DIAPH2: variants seen among roughly 807,000 people sequenced by gnomAD.
The protein encoded by DIAPH2 is protein diaphanous homolog 2.
DIAPH2 carries 35 observed loss-of-function variants against 92.7 expected under a neutral mutation model. That is an observed-to-expected ratio of 0.38 (90% CI 0.29 to 0.50). DIAPH2 has a LOEUF of 0.50. Ranked by LOEUF, DIAPH2 falls within the 20% of genes least tolerant of loss-of-function variation. The probability of loss-of-function intolerance (pLI) is 0.94; values close to 1 mark genes in which losing one functional copy is unlikely to be tolerated. For synonymous variants in DIAPH2, 301 were observed against 280.4 expected, an observed-to-expected ratio of 1.07 and a Z score of -0.73; for missense variants, 701 against 819.5, an observed-to-expected ratio of 0.86 and a Z score of 1.77.
intron 19 of DIAPH2, among the ~76,000 whole-genome samples, chrX:97,078,924 T>G (rs2066723029): frequency 9.0e-6 from 1 of 110,652 alleles, no homozygotes; most frequent in Non-Finnish European, 1.9e-5. Context: ...TTTTCTGGTA[T>G]AGATAAGCCG....
intron 22 of DIAPH2, among the ~76,000 whole-genome samples, chrX:97,243,535 C>G (rs1302776666): frequency 9.0e-6 from 1 of 111,551 alleles, no homozygotes; most frequent in Non-Finnish European, 1.9e-5. Flanking sequence ...TTTAATGCAG[C>G]CATAAATTTC....
intron 10 of DIAPH2, among the ~76,000 whole-genome samples, chrX:96,935,541 A>T (rs892201824): frequency 9.0e-6 from 1 of 111,303 alleles, no homozygotes; most frequent in South Asian, 3.8e-4. Context: ...GTTTCCAAGA[A>T]CTACTGAGGA....
intron 22 of DIAPH2, among the ~76,000 whole-genome samples, chrX:97,173,441 ATTTGT>A (rs972217045): frequency 1.8e-5 from 2 of 111,884 alleles, no homozygotes; most frequent in African/African-American, 6.5e-5. Context: ...TTTAATTTTG[ATTTGT>A]TCTGTTGCAC....
intron 21 of DIAPH2, among the ~76,000 whole-genome samples, chrX:97,115,970 G>A (rs754200222): frequency 2.7e-5 from 3 of 111,706 alleles, no homozygotes; most frequent in African/African-American, 9.7e-5. Context: ...AGCTAGAGAC[G>A]AAAATAAATC....
chrX:97,157,040 C>T lies in DIAPH2; in HGVS notation c.2719+15246C>T, dbSNP rs192282342. 3.6e-3 allele frequency among the ~76,000 whole-genome samples: 401 copies of T among 111,230 alleles called. 3 individuals are homozygous for T. Among genetic ancestry groups the T allele is most frequent in the African/African-American group, 0.013 (392 of 30,663 alleles). On this transcript the variant is annotated intron_variant, in intron 22 of 26. Transcript: ENST00000324765. ...AAATTAATAATGTTTACTGGCCGGG[C>T]GCGGTGGCTCACGCCTGTAATCCCA...
intron 22 of DIAPH2, among the ~76,000 whole-genome samples, chrX:97,200,075 G>A (rs768080233): frequency 1.2e-4 from 13 of 110,725 alleles, no homozygotes; most frequent in African/African-American, 4.3e-4. Flanking sequence ...AGGATGGGGC[G>A]TCGCTTCTCC....
intron 1 of DIAPH2, among the ~76,000 whole-genome samples, chrX:96,717,928 C>T (rs1324383799): frequency 2.0e-5 from 2 of 100,040 alleles, no homozygotes; most frequent in Non-Finnish European, 4.0e-5. Flanking sequence ...GGCTAACCAT[C>T]ACCTCAAACA....
At chrX:96,883,602 A>G (rs553516299) in intron 5 of DIAPH2, among the ~76,000 whole-genome samples, 1 of 107,812 alleles carries the variant, frequency 9.3e-6, no homozygotes, top group African/African-American at 3.4e-5. Context: ...CTAGTCTCGA[A>G]CTCCTGACCT....
chrX:97,280,301 C>T (rs749972333), intron 23 of DIAPH2, among the ~76,000 whole-genome samples: 5 of 107,917 alleles, frequency 4.6e-5, no homozygotes, highest in African/African-American at 1.4e-4. Context: ...GGTGAAACCT[C>T]GTCTCTACTA....
chrX:97,352,727 G>A (rs762819939), intron 24 of DIAPH2, among the ~76,000 whole-genome samples: 1 of 106,471 alleles, frequency 9.4e-6, no homozygotes, highest in South Asian at 4.2e-4. Context: ...AAAATTAGCC[G>A]GGCATGGTGG....
intron 23 of DIAPH2, among the ~76,000 whole-genome samples, chrX:97,346,217 A>G (rs5921792): frequency 0.024 from 2,628 of 111,763 alleles, 28 homozygotes; most frequent in Middle Eastern, 0.041. Flanking sequence ...GTTGGAAATG[A>G]TAATTCTTAG....
chrX:97,194,452 C>T (rs1042075232), intron 22 of DIAPH2, among the ~76,000 whole-genome samples: 2 of 109,707 alleles, frequency 1.8e-5, no homozygotes, highest in East Asian at 2.9e-4. Flanking sequence ...CGGCTAATTT[C>T]TTTTTGTATT....
At chrX:97,467,223 A>G (rs2070520689) in intron 26 of DIAPH2, among the ~76,000 whole-genome samples, 1 of 112,102 alleles carries the variant, frequency 8.9e-6, no homozygotes, top group African/African-American at 3.2e-5. Flanking sequence ...AGAAGCTCAA[A>G]ATGTTAACTA....
intron 20 of DIAPH2, among the ~76,000 whole-genome samples, chrX:97,108,713 T>C (rs916204967): frequency 3.6e-5 from 4 of 112,331 alleles, no homozygotes; most frequent in Admixed American, 2.8e-4. Context: ...ATCTCTTGAT[T>C]TTGTAATAAT....
rs966559663 is a variant in DIAPH2, at chrX:97,603,803, A to G, written c.*4486A>G. The G allele has an allele frequency of 2.7e-5, 3 of 112,146 alleles. No homozygotes were observed. The highest frequency in any genetic ancestry group is 9.7e-5 in the African/African-American group (3 of 30,829). The allele number at this position is 112,146 out of a possible 1,213,427, so 9.2% of individuals were successfully genotyped here. On this transcript the variant is annotated 3_prime_UTR_variant, in exon 27 of 27. Transcript: ENST00000324765. ...TCATTTCCTTCTAAACCATCACTAG[A>G]AATGCCTTTAACATTCATACTACTA... is the stretch of plus-strand genomic sequence containing the variant.
chrX:97,206,186 G>A (rs2099183913), intron 22 of DIAPH2, among the ~76,000 whole-genome samples: 1 of 110,894 alleles, frequency 9.0e-6, no homozygotes, highest in Admixed American at 9.7e-5. Context: ...GAGAGCATTA[G>A]GACAAATACC....
At chrX:96,700,840 G>C (rs759943762) in intron 1 of DIAPH2, among the ~76,000 whole-genome samples, 10 of 111,831 alleles carry the variant, frequency 8.9e-5, no homozygotes, top group Non-Finnish European at 1.7e-4. Context: ...TTGAATGAAG[G>C]TTAACTTCCC....
chrX:97,034,526 A>T (rs1173803587), intron 17 of DIAPH2, among the ~76,000 whole-genome samples: 2 of 109,940 alleles, frequency 1.8e-5, no homozygotes, highest in Non-Finnish European at 3.8e-5. Context: ...AAAGTCAAAA[A>T]CTTCATCCTG....
intron 5 of DIAPH2, among the ~76,000 whole-genome samples, chrX:96,889,586 A>G (rs1415557040): frequency 8.9e-6 from 1 of 112,405 alleles, no homozygotes; most frequent in Non-Finnish European, 1.9e-5. Flanking sequence ...CAAAGGAATA[A>G]CAAAACTAAA....
Sources: gnomAD v4.1 joint callset for allele counts (sites outside exome capture counted in the v4.1 genomes callset) on GRCh38, gnomAD v4.1.1 for gene constraint, MANE v1.5 for transcripts, NCBI Gene and HGNC (gene_info 2026-07-23, HGNC 2026-07-21) for gene names.